ADARB2: variants seen among roughly 807,000 people sequenced by gnomAD.
ADARB2 encodes adenosine deaminase RNA specific B2 (inactive).
A neutral mutation model predicts 62.2 loss-of-function variants in ADARB2; 25 were observed. The observed-to-expected ratio is 0.40, with a 90% CI of 0.29 to 0.56. The LOEUF is 0.56. Among genes scored for constraint, ADARB2 ranks in the 20% least tolerant of loss-of-function variants. The pLI, the probability that ADARB2 is intolerant of heterozygous loss-of-function variation, is 0.43. For synonymous variants in ADARB2, 572 were observed against 500.8 expected (o/e 1.14, Z -1.90); for missense variants, 1,071 against 1,077.4 (o/e 0.99, Z 0.08).
At chr10:1,259,232 G>T (rs1179982535) in intron 4 of ADARB2, among the ~76,000 whole-genome samples, 1 of 152,098 alleles carries the variant, frequency 6.6e-6, no homozygotes, top group Non-Finnish European at 1.5e-5. Context: ...ACATCACAGT[G>T]AAAAGAACTA....
intron 1 of ADARB2, among the ~76,000 whole-genome samples, chr10:1,672,535 C>T (rs1271501322): frequency 2.6e-5 from 4 of 152,188 alleles, no homozygotes; most frequent in African/African-American, 9.6e-5. Flanking sequence ...GCCTTTTCCT[C>T]TCTGCAGGCC....
chr10:1,289,123 C>T (rs1200691795), intron 3 of ADARB2, among the ~76,000 whole-genome samples: 1 of 152,214 alleles, frequency 6.6e-6, no homozygotes, highest in African/African-American at 2.4e-5. Flanking sequence ...TCTGCATGGT[C>T]AAACCCTGGT....
At chr10:1,418,183 TG>T (rs1213775014) in intron 1 of ADARB2, among the ~76,000 whole-genome samples, 1 of 152,178 alleles carries the variant, frequency 6.6e-6, no homozygotes, top group African/African-American at 2.4e-5. Flanking sequence ...TTAGTTATGG[TG>T]TTTTGTTAAA....
intron 7 of ADARB2, among the ~76,000 whole-genome samples, chr10:1,212,884 C>A (rs1255467590): frequency 6.6e-6 from 1 of 152,266 alleles, no homozygotes. Flanking sequence ...CCGTGGCAGG[C>A]ACCCTGCAGC....
chr10:1,578,607 T>C (rs1833052331), intron 1 of ADARB2, among the ~76,000 whole-genome samples: 1 of 151,860 alleles, frequency 6.6e-6, no homozygotes, highest in Non-Finnish European at 1.5e-5. Flanking sequence ...GGTACCCAAA[T>C]CCTTGGCTGA....
rs1039058532 is a variant in ADARB2 at position 1,571,279 on chromosome 10, T to C, written c.100+165772A>G. Among the ~76,000 whole-genome samples the C allele has an allele frequency of 4.0e-5, 6 of 150,698 alleles. 1 individual carries two copies. The highest frequency in any genetic ancestry group is 5.9e-5 in the Non-Finnish European group (4 of 68,016). On this transcript the variant is annotated intron_variant, in intron 1 of 9. Coordinates refer to ENST00000381312, the MANE Select transcript of ADARB2 (RefSeq NM_018702.4). Reference sequence around the variant, plus strand: ...TTTTAGAAGTGTAACTTTTGATCTATTTTTACTTTTTTTTTTTTAAAAAAA... The same window carrying C: ...TTTTAGAAGTGTAACTTTTGATCTACTTTTACTTTTTTTTTTTTAAAAAAA...
Position 1,352,791 on chromosome 10 carries a change from A to G in ADARB2, c.1077+10237T>C, listed in dbSNP as rs189071323. Among the ~76,000 whole-genome samples the G allele has an allele frequency of 6.6e-4, 100 of 152,248 alleles. 1 individual carries two copies. The highest frequency in any genetic ancestry group is 1.6e-3 in the African/African-American group (67 of 41,534). ...ACCATTGTTCCTGGCCTGGACTTCA[A>G]TCCAGCCTCCCACATTATTCCAGAT... On this transcript the variant is annotated intron_variant, in intron 3 of 9. Transcript: ENST00000381312.
intron 3 of ADARB2, among the ~76,000 whole-genome samples, chr10:1,295,280 G>T (rs1276299263): frequency 6.6e-6 from 1 of 152,200 alleles, no homozygotes; most frequent in Non-Finnish European, 1.5e-5. Context: ...TAAAAGCCAA[G>T]AAATGACCTT....
chr10:1,485,099 T>C (rs1014532842), intron 1 of ADARB2, among the ~76,000 whole-genome samples: 4 of 152,016 alleles, frequency 2.6e-5, no homozygotes, highest in African/African-American at 4.8e-5. Context: ...TGTGCACTTA[T>C]AGGTAGGTAT....
intron 8 of ADARB2, among the ~76,000 whole-genome samples, chr10:1,189,767 C>T (rs1836813519): frequency 6.7e-6 from 1 of 149,240 alleles, no homozygotes; most frequent in African/African-American, 2.5e-5. Context: ...CTACCTCCTT[C>T]CCCAGAACAC....
intron 1 of ADARB2, among the ~76,000 whole-genome samples, chr10:1,420,277 G>A (rs1238537361): frequency 6.6e-6 from 1 of 152,194 alleles, no homozygotes; most frequent in Non-Finnish European, 1.5e-5. Context: ...CAGTTACTTT[G>A]TAAGTATTTT....
intron 1 of ADARB2, among the ~76,000 whole-genome samples, chr10:1,703,338 G>T (rs904281499): frequency 6.6e-6 from 1 of 151,064 alleles, no homozygotes; most frequent in African/African-American, 2.4e-5. Flanking sequence ...AGAGGATGGG[G>T]CCTGTGGGGA....
At chr10:1,273,089 C>G (rs549563883) in intron 3 of ADARB2, among the ~76,000 whole-genome samples, 1 of 152,196 alleles carries the variant, frequency 6.6e-6, no homozygotes, top group Non-Finnish European at 1.5e-5. Context: ...TTAGGGCCCA[C>G]TTGGGCAATC....
chr10:1,651,416 C>A (rs1834109314), intron 1 of ADARB2, among the ~76,000 whole-genome samples: 1 of 152,226 alleles, frequency 6.6e-6, no homozygotes, highest in Non-Finnish European at 1.5e-5. Context: ...GTCCTGCAAG[C>A]CACACCGCAG....
At chr10:1,548,291 CTTG>C (rs1226325142) in intron 1 of ADARB2, among the ~76,000 whole-genome samples, 1 of 152,204 alleles carries the variant, frequency 6.6e-6, no homozygotes, top group Non-Finnish European at 1.5e-5. Context: ...CTGGATTCTC[CTTG>C]TTGTCACCCA....
chr10:1,520,731 T>A (rs1281336572), intron 1 of ADARB2, among the ~76,000 whole-genome samples: 1 of 152,248 alleles, frequency 6.6e-6, no homozygotes, highest in Non-Finnish European at 1.5e-5. Context: ...GGCTAATATG[T>A]ATCACCTCCT....
At chr10:1,530,502 T>A (rs1832217583) in intron 1 of ADARB2, among the ~76,000 whole-genome samples, 1 of 152,230 alleles carries the variant, frequency 6.6e-6, no homozygotes, top group African/African-American at 2.4e-5. Context: ...TCAGCCAGGG[T>A]CACGTGGCCT....
intron 6 of ADARB2, among the ~76,000 whole-genome samples, chr10:1,230,647 T>C (rs527389208): frequency 6.6e-6 from 1 of 152,248 alleles, no homozygotes; most frequent in Non-Finnish European, 1.5e-5. Context: ...CAGAGCCAGC[T>C]CTCTGAAGGG....
intron 1 of ADARB2, among the ~76,000 whole-genome samples, chr10:1,686,251 G>T (rs56091809): frequency 0.088 from 13,473 of 152,308 alleles, 760 homozygotes; most frequent in East Asian, 0.22. Context: ...ATGGGCCAAG[G>T]CCTCGGCGGG....
Sources: allele counts gnomAD v4.1 joint callset (sites outside exome capture counted in the v4.1 genomes callset), GRCh38; gene constraint gnomAD v4.1.1; transcripts MANE v1.5; gene names NCBI Gene and HGNC (gene_info 2026-07-23, HGNC 2026-07-21).